Variants in F11 observed in about 807,000 individuals in gnomAD.
The protein encoded by F11 is coagualtion factor XI.
A neutral mutation model predicts 76.5 loss-of-function variants in F11; 78 were observed. The observed-to-expected ratio is 1.02, with a 90% CI of 0.85 to 1.23. The LOEUF (loss-of-function observed/expected upper bound fraction) is 1.23. Among genes scored for constraint, F11 ranks in the 50% most tolerant of loss-of-function variants. The probability of loss-of-function intolerance (pLI) is 0.00; values close to 1 mark genes in which losing one functional copy is unlikely to be tolerated. For missense variants in F11, 742 were observed against 771.4 expected (o/e 0.96, Z 0.45); for synonymous variants, 278 against 276.3 (o/e 1.01, Z -0.06).
intron 10 of F11, among the ~76,000 whole-genome samples, chr4:186,283,713 T>C (rs1283208866): frequency 6.6e-6 from 1 of 152,200 alleles, no homozygotes. Flanking sequence ...AGTTTCTCAT[T>C]CACTGGATCT....
Position 186,289,236 on chromosome 4 carries a change from G to A in F11, c.*622G>A, listed in dbSNP as rs1380274612. On this transcript the variant is annotated 3_prime_UTR_variant, in exon 15 of 15. Transcript: ENST00000403665. Reference sequence around the variant, plus strand: ...ATAACAGAATTTCTGTGTGGAAGAGGATTACAAGCAGCAATTTACCTGGAA... The same window carrying A: ...ATAACAGAATTTCTGTGTGGAAGAGAATTACAAGCAGCAATTTACCTGGAA... Among the ~76,000 whole-genome samples, 4 of 152,152 alleles carry A rather than the reference G, an allele frequency of 2.6e-5. No individual in the cohort carries two copies. Among genetic ancestry groups the A allele is most frequent in the Non-Finnish European group, 4.4e-5 (3 of 68,024 alleles).
At chr4:186,277,287 C>CAAA (rs1204702021) in intron 7 of F11, among the ~76,000 whole-genome samples, 3 of 152,182 alleles carry the variant, frequency 2.0e-5, no homozygotes, top group Admixed American at 6.5e-5. Flanking sequence ...CTATACACCA[C>CAAA]ATTTTCTTTA....
intron 3 of F11, among the ~76,000 whole-genome samples, chr4:186,272,298 C>T (rs1426224540): frequency 6.6e-6 from 1 of 152,122 alleles, no homozygotes; most frequent in East Asian, 1.9e-4. Flanking sequence ...AAACATGACA[C>T]TTTACCCCTA....
intron 1 of F11, 141 bp downstream of exon 1, chr4:186,266,436 AG>A (rs1739502154): frequency 6.6e-6 from 1 of 152,248 alleles, no homozygotes; most frequent in Admixed American, 6.5e-5. Context: ...AGCTTTGTAG[AG>A]ATGTTCCGCT....
intron 5 of F11, chr4:186,274,900 A>T (rs571295541): frequency 1.7e-4 from 31 of 177,458 alleles, no homozygotes; most frequent in Admixed American, 1.4e-3. Flanking sequence ...AATCAACAGA[A>T]AAGTGAAAAA....
chr4:186,286,669 G>T, intron 13 of F11, 159 bp downstream of exon 13: 1 of 985,444 alleles, frequency 1.0e-6, no homozygotes, highest in Non-Finnish European at 1.2e-6. Flanking sequence ...CCCAAGTGAG[G>T]CTGGTGCCTC....
intron 3 of F11, among the ~76,000 whole-genome samples, 185 bp downstream of exon 3, chr4:186,271,956 T>A (rs1288762455): frequency 6.6e-6 from 1 of 152,186 alleles, no homozygotes; most frequent in East Asian, 1.9e-4. Flanking sequence ...AGAATAAATA[T>A]GCCTCCAAGT....
At position 186,288,599 on chromosome 4, in the gene F11, A is replaced by G; in HGVS notation, c.1863A>G (p.Lys621=). ...VVEYVDWILE[K]TQAV Reference sequence around the variant, plus strand: ...AGTACGTGGACTGGATTCTGGAGAAAACTCAAGCAGTGTGAATGGGTTCCC... The same window carrying G: ...AGTACGTGGACTGGATTCTGGAGAAGACTCAAGCAGTGTGAATGGGTTCCC... The change falls in exon 15 of 15, where the codon AAA becomes AAG. Residue 621 remains lysine (K), a synonymous_variant. Transcript: ENST00000403665. The G allele has an allele frequency of 6.2e-7, 1 of 1,614,022 alleles. No homozygotes were observed. Among genetic ancestry groups the G allele is most frequent in the Non-Finnish European group, 8.5e-7 (1 of 1,179,982 alleles).
rs1375749948 is a variant in F11, at chr4:186,267,160, A to G, written c.24A>G (p.Val8=). 2.5e-6 allele frequency: 4 copies of G among 1,583,370 alleles called. No individual in the cohort carries two copies. The highest frequency in any genetic ancestry group is 3.5e-6 in the Non-Finnish European group (4 of 1,152,102). ...GGATGATTTTCTTATATCAAGTGGT[A>G]CATTTCATTTTATTTACTTCAGTTT... MIFLYQV[V]HFILFTSVSG... Residue 8 remains valine (V), a synonymous_variant, in exon 2 of 15, where the codon GTA becomes GTG. Transcript: ENST00000403665.
In F11 at chr4:186,289,465, T is replaced by G. The variant is rs567719620; in HGVS notation, c.*851T>G. 6.6e-6 allele frequency among the ~76,000 whole-genome samples: 1 copy of G among 152,296 alleles called. No homozygotes were observed. Among genetic ancestry groups the G allele is most frequent in the South Asian group, 2.1e-4 (1 of 4,822 alleles). ...TTATTTGACAAAAATCACCATAGAC[T>G]GCATCCATACTACAGAGAAAAAACA... On this transcript the variant is annotated 3_prime_UTR_variant, in exon 15 of 15. Transcript: ENST00000403665.
intron 6 of F11, 150 bp downstream of exon 6, chr4:186,276,046 A>G: frequency 1.1e-6 from 1 of 927,796 alleles, no homozygotes; most frequent in South Asian, 1.5e-5. Flanking sequence ...CATGTCCTAT[A>G]CAGTTAGATC....
At chr4:186,271,894 C>T in intron 3 of F11, 123 bp downstream of exon 3, 8 of 1,130,172 alleles carry the variant, frequency 7.1e-6, no homozygotes, top group South Asian at 1.3e-5. Flanking sequence ...AATTGTCTTT[C>T]AGTTGAAATA....
At chr4:186,275,447 A>G (rs1039482777) in intron 5 of F11, among the ~76,000 whole-genome samples, 1 of 152,182 alleles carries the variant, frequency 6.6e-6, no homozygotes, top group African/African-American at 2.4e-5. Context: ...GTGAGCCAAG[A>G]TCGTGCCATT....
chr4:186,286,628 C>T lies in F11; in HGVS notation c.1576+118C>T, dbSNP rs879561414. 10 of 1,535,964 alleles carry T rather than the reference C, an allele frequency of 6.5e-6. No homozygotes were observed. In the East Asian group the frequency reaches 1.4e-4, roughly 22 times the overall value. ...AGTCACACTACTCAGTTGCAGGAAG[C>T]GGATTAATAAAGATGGAGAGGCAAA... On this transcript the variant is annotated intron_variant, in intron 13 of 14. Transcript: ENST00000403665.
rs750857098 is a variant in F11 at position 186,288,582 on chromosome 4, G to C, written c.1846G>C (p.Asp616His). 1 of 1,614,014 alleles carries C rather than the reference G, an allele frequency of 6.2e-7. No homozygotes were observed. The highest frequency in any genetic ancestry group is 8.5e-7 in the Non-Finnish European group (1 of 1,180,042). Residue 616 changes from aspartate to histidine, a missense_variant, in exon 15 of 15, where the codon GAC (aspartate) becomes CAC (histidine). Coordinates refer to ENST00000403665, the MANE Select transcript of F11 (RefSeq NM_000128.4). ...GVYTNVVEYV[D>H]WILEKTQAV The stretch of plus-strand genomic sequence containing the variant: ...TTACACCAACGTGGTCGAGTACGTG[G>C]ACTGGATTCTGGAGAAAACTCAAGC...
At chr4:186,282,685 C>T (rs1490795128) in intron 10 of F11, 28 of 985,152 alleles carry the variant, frequency 2.8e-5, no homozygotes, top group Admixed American at 6.2e-5. Flanking sequence ...ACCTTTATGA[C>T]GCTTCCCACC....
At position 186,274,212 on chromosome 4, in the gene F11, C is replaced by T. The variant is rs200593979; in HGVS notation, c.422C>T (p.Thr141Met). 2.5e-5 allele frequency: 40 copies of T among 1,614,150 alleles called. No individual in the cohort carries two copies. The highest frequency in any genetic ancestry group is 8.9e-5 in the East Asian group (4 of 44,878). The change falls in exon 5 of 15, where the codon ACG becomes ATG. Residue 141 changes from threonine (T) to methionine (M), a missense_variant. Thr to Met is a moderately conservative substitution (Grantham distance 81). Coordinates refer to ENST00000403665, the MANE Select transcript of F11 (RefSeq NM_000128.4). ...GCTCAAGAATGCCAAGAAAGATGCA[C>T]GGATGACGTCCACTGCCACTTTTTC... ...KSAQECQERC[T>M]DDVHCHFFTY...
At chr4:186,271,452 A>C (rs1050976437) in intron 2 of F11, among the ~76,000 whole-genome samples, 157 bp from the exon 3 acceptor site, 4 of 152,216 alleles carry the variant, frequency 2.6e-5, no homozygotes, top group Admixed American at 2.6e-4. Context: ...CTGTTCATTC[A>C]ATAAACTCAC....
chr4:186,282,659 A>C, intron 10 of F11: 1 of 985,234 alleles, frequency 1.0e-6, no homozygotes. Context: ...TTTACCTATT[A>C]ATTTTCCTAA....
Sources: gnomAD v4.1 joint callset for allele counts (sites outside exome capture counted in the v4.1 genomes callset) on GRCh38, gnomAD v4.1.1 for gene constraint, MANE v1.5 for transcripts, NCBI Gene and HGNC (gene_info 2026-07-23, HGNC 2026-07-21) for gene names.